The following PIAS2 variants were observed in gnomAD, a reference collection of about 807,000 sequenced individuals.
PIAS2 encodes the protein protein inhibitor of activated STAT 2.
PIAS2 carries 19 observed loss-of-function variants against 69.7 expected under a neutral mutation model. The ratio of observed to expected loss-of-function variants is 0.27; its 90% CI spans 0.19 to 0.40. The LOEUF is 0.40. Ranked by LOEUF, PIAS2 falls within the 10% of genes least tolerant of loss-of-function variation. The probability of loss-of-function intolerance (pLI) is 1.00; values close to 1 mark genes in which losing one functional copy is unlikely to be tolerated. For synonymous variants in PIAS2, 261 were observed against 263.2 expected, an observed-to-expected ratio of 0.99 and a Z score of 0.08; for missense variants, 624 against 757.0, an observed-to-expected ratio of 0.82 and a Z score of 2.06.
In PIAS2 at chr18:46,880,925, T is replaced by C. The variant is rs1461136797; in HGVS notation, c.499+9655A>G. Among the ~76,000 whole-genome samples, 5 of 152,206 alleles carry C rather than the reference T, an allele frequency of 3.3e-5. No individual in the cohort carries two copies. In the East Asian group the frequency reaches 5.8e-4, roughly 18 times the overall value. ...CACTGAACACTGCTTTAAATTATAA[T>C]CCCATTATATACAGCAAAGTTTTTC... On this transcript the variant is annotated intron_variant, in intron 2 of 13. Transcript: ENST00000585916.
intron 2 of PIAS2, among the ~76,000 whole-genome samples, chr18:46,868,351 G>A (rs1050052426): frequency 2.0e-5 from 3 of 152,038 alleles, no homozygotes; most frequent in Admixed American, 2.0e-4. Context: ...TCCTTATTTG[G>A]AAAGAGTCCT....
chr18:46,866,224 C>T (rs2049428596), intron 2 of PIAS2, among the ~76,000 whole-genome samples: 1 of 152,130 alleles, frequency 6.6e-6, no homozygotes. Flanking sequence ...AAATCAAACT[C>T]CATGTAAAAT....
rs1191723440 is a variant in PIAS2 at position 46,807,897 on chromosome 18, T to C, written c.*4536A>G. On this transcript the variant is annotated 3_prime_UTR_variant, in exon 14 of 14. Transcript: ENST00000585916. ...CATCTAGCTGCAGTATAAATTAACA[T>C]ACCCATGTGGAAAAGTGGTATGAAT... The C allele has an allele frequency of 1.3e-5, 2 of 152,270 alleles. No homozygotes were observed. Among genetic ancestry groups the C allele is most frequent in the Admixed American group, 6.5e-5 (1 of 15,300 alleles). The allele number at this position is 152,270 out of a possible 1,614,324, so 9.4% of individuals were successfully genotyped here. A position where few individuals can be genotyped will look rare whatever the true frequency, so the allele number is the denominator to read the frequency against.
rs1277436477 is a variant in PIAS2 at position 46,917,460 on chromosome 18, C to A, written c.-115G>T. On this transcript the variant is annotated 5_prime_UTR_variant, in exon 1 of 14. Coordinates refer to ENST00000585916, the MANE Select transcript of PIAS2 (RefSeq NM_004671.5). ...CTCCAGCACCATCCTGCACTGGGCG[C>A]CGCTTAAGACGCCGCGGCCGCCGCC... The A allele has an allele frequency of 8.2e-7, 1 of 1,222,816 alleles. No individual in the cohort carries two copies. Among genetic ancestry groups the A allele is most frequent in the Admixed American group, 4.5e-5 (1 of 22,312 alleles). The allele number at this position is 1,222,816 out of a possible 1,614,324, so 75.7% of individuals were successfully genotyped here.
intron 1 of PIAS2, among the ~76,000 whole-genome samples, chr18:46,901,737 T>C (rs1409161898): frequency 1.3e-5 from 2 of 152,206 alleles, no homozygotes; most frequent in Non-Finnish European, 2.9e-5. Flanking sequence ...GTTCATGATT[T>C]AAAAACCCTC....
chr18:46,899,314 G>A (rs1453017203), intron 1 of PIAS2, among the ~76,000 whole-genome samples: 1 of 152,190 alleles, frequency 6.6e-6, no homozygotes, highest in Non-Finnish European at 1.5e-5. Context: ...AGTAACTGAA[G>A]CAGGAGGAAA....
rs2144650796 is a variant in PIAS2, at chr18:46,805,472, G to A, written c.*6961C>T. 6.6e-6 allele frequency: 1 copy of A among 152,318 alleles called. No homozygotes were observed. Among genetic ancestry groups the A allele is most frequent in the South Asian group, 2.1e-4 (1 of 4,828 alleles). 9.4% of individuals were successfully genotyped at this position (152,318 alleles called of 1,614,324 possible). A position where few individuals can be genotyped will look rare whatever the true frequency, so the allele number is the denominator to read the frequency against. On this transcript the variant is annotated 3_prime_UTR_variant, in exon 14 of 14. Coordinates refer to ENST00000585916, the MANE Select transcript of PIAS2 (RefSeq NM_004671.5). Reference sequence around the variant, plus strand: ...TCAGGCAGTTATAAGACTAGAGGTAGCTGATAGTATAACCTCTTGGCATGA... The same window carrying A: ...TCAGGCAGTTATAAGACTAGAGGTAACTGATAGTATAACCTCTTGGCATGA...
chr18:46,855,680 A>C (rs1599786390), intron 3 of PIAS2, 65 bp from the exon 4 acceptor site: 1 of 1,239,418 alleles, frequency 8.1e-7, no homozygotes, highest in South Asian at 1.3e-5. Flanking sequence ...CAGTCTCCCC[A>C]GGAGGAAAAA....
At chr18:46,907,415 G>A (rs1157574481) in intron 1 of PIAS2, 1 of 152,050 alleles carries the variant, frequency 6.6e-6, no homozygotes, top group African/African-American at 2.4e-5. Flanking sequence ...CAAGGATATG[G>A]AGCAACTGGA....
intron 2 of PIAS2, among the ~76,000 whole-genome samples, chr18:46,871,217 T>G (rs1009334346): frequency 5.3e-5 from 8 of 152,048 alleles, no homozygotes; most frequent in African/African-American, 1.9e-4. Context: ...AAAGTATATG[T>G]GAGAAGAGAT....
intron 2 of PIAS2, among the ~76,000 whole-genome samples, chr18:46,886,383 C>A (rs115435246): frequency 4.7e-4 from 71 of 152,132 alleles, no homozygotes; most frequent in Middle Eastern, 3.4e-3. Flanking sequence ...AAATGAACCA[C>A]GACATTGTGC....
At chr18:46,819,555 C>T (rs1296209850) in intron 12 of PIAS2, among the ~76,000 whole-genome samples, 1 of 151,698 alleles carries the variant, frequency 6.6e-6, no homozygotes, top group Admixed American at 6.6e-5. Context: ...AAAATTATAC[C>T]GAGCCAATTA....
At chr18:46,859,614 C>A (rs1301700827) in intron 3 of PIAS2, among the ~76,000 whole-genome samples, 1 of 152,072 alleles carries the variant, frequency 6.6e-6, no homozygotes, top group Non-Finnish European at 1.5e-5. Flanking sequence ...TGTTTTTCAA[C>A]TTCGCATCTT....
At chr18:46,918,993 G>A (rs879664390), upstream of PIAS2, among the ~76,000 whole-genome samples, 25 of 120,754 alleles carry the variant, frequency 2.1e-4, no homozygotes, top group Non-Finnish European at 3.3e-4. Context: ...ATGTGTGTGC[G>A]TGTATATATA....
At chr18:46,835,160 A>G (rs1356982514) in intron 9 of PIAS2, among the ~76,000 whole-genome samples, 4 of 152,214 alleles carry the variant, frequency 2.6e-5, no homozygotes, top group Non-Finnish European at 5.9e-5. Context: ...GAATTCTAAA[A>G]ATGGTAATAA....
In PIAS2 at chr18:46,812,593, A is replaced by G. The variant is rs1190722886; in HGVS notation, c.1706T>C (p.Leu569Ser). ...TGTTAAGGGTGAGGTGAGACTATCC[A>G]AAAACATAGGAGGACAGTACTGCTT... ...VDPQYCPPMF[L>S]DSLTSPLTAS... Residue 569 changes from leucine to serine, a missense_variant, in exon 14 of 14, where the codon TTG becomes TCG. Physicochemically the swap from Leu to Ser is moderately radical, Grantham distance 145. This residue lies in a region of PIAS2 where 241 missense variants were observed against 257.3 expected (regional missense o/e 0.94). Transcript: ENST00000585916. 6.2e-7 allele frequency: 1 copy of G among 1,611,928 alleles called. No individual in the cohort carries two copies. Among genetic ancestry groups the G allele is most frequent in the Non-Finnish European group, 8.5e-7 (1 of 1,178,152 alleles).
chr18:46,890,439 G>A (rs772447853), intron 2 of PIAS2, 141 bp downstream of exon 2: 14 of 598,892 alleles, frequency 2.3e-5, no homozygotes, highest in East Asian at 5.5e-5. Flanking sequence ...CATGGTTGCC[G>A]AATTTTTATC....
At chr18:46,899,452 C>A (rs1464419010) in intron 1 of PIAS2, among the ~76,000 whole-genome samples, 2 of 152,196 alleles carry the variant, frequency 1.3e-5, no homozygotes. Context: ...ACTGCCGAAC[C>A]AGAGTAATCT....
chr18:46,875,115 C>T (rs79692714), intron 2 of PIAS2, among the ~76,000 whole-genome samples: 11,691 of 152,242 alleles, frequency 0.077, 485 homozygotes, highest in African/African-American at 0.1. Context: ...AACTAACCAT[C>T]CCTTAACCCT....
Sources: gnomAD v4.1 joint callset for allele counts (sites outside exome capture counted in the v4.1 genomes callset) on GRCh38, gnomAD v4.1.1 for gene constraint, gnomAD v4.1.1 regional missense constraint, MANE v1.5 for transcripts, NCBI Gene and HGNC (gene_info 2026-07-23, HGNC 2026-07-21) for gene names.